MUC17: variants seen among roughly 807,000 people sequenced by gnomAD.
MUC17 encodes the protein mucin 17, cell surface associated.
Under a neutral mutation model 170.3 loss-of-function variants are expected in MUC17, and 190 were observed. The observed-to-expected ratio is 1.12, with a 90% confidence interval of 0.99 to 1.26. The LOEUF (loss-of-function observed/expected upper bound fraction) is 1.26. Among genes scored for constraint, MUC17 ranks in the 50% most tolerant of loss-of-function variants. The pLI is 0.00. For missense variants in MUC17, 6,415 were observed against 5,530.0 expected, an observed-to-expected ratio of 1.16 and a Z score of -5.08; for synonymous variants, 2,325 against 2,002.5, an observed-to-expected ratio of 1.16 and a Z score of -4.30.
intron 1 of MUC17, among the ~76,000 whole-genome samples, chr7:101,028,607 G>C (rs1007329912): frequency 6.6e-6 from 1 of 151,938 alleles, no homozygotes; most frequent in African/African-American, 2.4e-5. Flanking sequence ...ACTGGATGCG[G>C]TGGCTCATAC....
At chr7:101,055,094 C>G (rs575223659) in intron 11 of MUC17, among the ~76,000 whole-genome samples, 2 of 151,474 alleles carry the variant, frequency 1.3e-5, no homozygotes, top group East Asian at 3.9e-4. Flanking sequence ...GGCAACAGAG[C>G]AAGATTCCGT....
chr7:101,051,332 T>C (rs1584876797), intron 7 of MUC17, among the ~76,000 whole-genome samples: 2 of 126,458 alleles, frequency 1.6e-5, no homozygotes, highest in East Asian at 4.8e-4. Context: ...ACCACTGTAC[T>C]CTAGCCTGGG....
Position 101,041,677 on chromosome 7 carries a change from A to G in MUC17, c.10261A>G (p.Thr3421Ala), listed in dbSNP as rs774469788. The change falls in exon 3 of 13, where the codon ACA becomes GCA. Residue 3421 changes from threonine to alanine, a missense_variant. Coordinates refer to ENST00000306151, the MANE Select transcript of MUC17 (RefSeq NM_001040105.2). ...VVSSEVNTLS[T>A]TPVDSNTLVT... ...CAGTTCTGAGGTTAACACCCTTTCAACAACTCCTGTGGACTCCAACACTCT... is the reference window on the plus strand; with the variant it reads ...CAGTTCTGAGGTTAACACCCTTTCAGCAACTCCTGTGGACTCCAACACTCT... The G allele has an allele frequency of 6.2e-6, 10 of 1,613,888 alleles. 1 individual carries two copies. In the Admixed American group the frequency reaches 1.5e-4, roughly 24 times the overall value.
chr7:101,022,005 C>G (rs1794098833), intron 1 of MUC17, among the ~76,000 whole-genome samples: 1 of 152,106 alleles, frequency 6.6e-6, no homozygotes, highest in Admixed American at 6.6e-5. Flanking sequence ...TCACAGATGC[C>G]CTCTCATCCC....
In MUC17 at chr7:101,042,672, C is replaced by G. The variant is rs755767526; in HGVS notation, c.11256C>G (p.Ser3752Arg). 3.1e-6 allele frequency: 5 copies of G among 1,613,804 alleles called. No homozygotes were observed. The South Asian group carries it at 5.5e-5, about 18-fold the overall frequency. The change falls in exon 3 of 13, where the codon AGC becomes AGG. Residue 3752 changes from serine to arginine, a missense_variant. Ser to Arg is a moderately radical substitution (Grantham distance 110). Transcript: ENST00000306151. Reference protein sequence around the residue: ...TMSVSMPMEISTLGTTILVST... With the variant: ...TMSVSMPMEIRTLGTTILVST... ...CTGTGTCAATGCCCATGGAAATAAGCACCCTTGGGACCACTATTCTTGTCA... is the reference window on the plus strand; with the variant it reads ...CTGTGTCAATGCCCATGGAAATAAGGACCCTTGGGACCACTATTCTTGTCA...
In MUC17 at chr7:101,056,180, C is replaced by T. The variant is rs767688618; in HGVS notation, c.13364-14C>T. Reference sequence around the variant, plus strand: ...AACCTCCTGTTTCCATGGTGCTTTCCATCCCTCCACAAGATGATGATTCCA... The same window carrying T: ...AACCTCCTGTTTCCATGGTGCTTTCTATCCCTCCACAAGATGATGATTCCA... On this transcript the variant is annotated splice_polypyrimidine_tract_variant and intron_variant, in intron 11 of 12. Coordinates refer to ENST00000306151, the MANE Select transcript of MUC17 (RefSeq NM_001040105.2). 4 of 1,613,490 alleles carry T rather than the reference C, an allele frequency of 2.5e-6. No homozygotes were observed. The East Asian group carries it at 8.9e-5, about 36-fold the overall frequency.
In MUC17 at chr7:101,036,819, G is replaced by C. The variant is rs142682652; in HGVS notation, c.5403G>C (p.Ser1801=). The change falls in exon 3 of 13, where the codon TCG becomes TCC. Residue 1801 remains serine, a synonymous_variant. Transcript: ENST00000306151. The stretch of plus-strand genomic sequence containing the variant: ...CTGAAGGTACCAGCATACCAACCTC[G>C]ACTCTTAGTGAAGGAATGACTCCAT... ...TTAEGTSIPT[S]TLSEGMTPLT... The C allele has an allele frequency of 8.8e-5, 139 of 1,581,456 alleles. 1 individual carries two copies. The South Asian group carries it at 1.5e-3, about 17-fold the overall frequency.
Position 101,041,678 on chromosome 7 carries a change from C to T in MUC17, c.10262C>T (p.Thr3421Ile). 2 of 1,614,044 alleles carry T rather than the reference C, an allele frequency of 1.2e-6. No homozygotes were observed. Among genetic ancestry groups the T allele is most frequent in the Non-Finnish European group, 1.7e-6 (2 of 1,179,984 alleles). ...VVSSEVNTLS[T>I]TPVDSNTLVT... ...AGTTCTGAGGTTAACACCCTTTCAACAACTCCTGTGGACTCCAACACTCTG... is the reference window on the plus strand; with the variant it reads ...AGTTCTGAGGTTAACACCCTTTCAATAACTCCTGTGGACTCCAACACTCTG... Residue 3421 changes from threonine (T) to isoleucine (I), a missense_variant, in exon 3 of 13, where the codon ACA (threonine) becomes ATA (isoleucine). Thr to Ile is a moderately conservative substitution (Grantham distance 89, BLOSUM62 -1). Coordinates refer to ENST00000306151, the MANE Select transcript of MUC17 (RefSeq NM_001040105.2).
At chr7:101,025,136 G>A (rs1794157919) in intron 1 of MUC17, among the ~76,000 whole-genome samples, 1 of 151,108 alleles carries the variant, frequency 6.6e-6, no homozygotes, top group African/African-American at 2.4e-5. Context: ...AGGCTGAGGT[G>A]GGAGGATCGC....
intron 1 of MUC17, among the ~76,000 whole-genome samples, chr7:101,023,495 T>G (rs1161231516): frequency 6.6e-6 from 1 of 152,204 alleles, no homozygotes; most frequent in African/African-American, 2.4e-5. Context: ...CAAGTGATTC[T>G]CCTGCCTCAG....
At chr7:101,053,506 A>G (rs1449285903) in intron 11 of MUC17, 70 bp downstream of exon 11, 10 of 1,235,576 alleles carry the variant, frequency 8.1e-6, no homozygotes, top group East Asian at 2.4e-5. Context: ...GTGGGCTCAC[A>G]TCTGTAATCC....
chr7:101,038,108 C>G lies in MUC17; in HGVS notation c.6692C>G (p.Pro2231Arg). ...PFTSMPVSTMPVVTSEASTLS... is the reference protein window; with the variant it reads ...PFTSMPVSTMRVVTSEASTLS... ...ACAAGTATGCCTGTCAGCACCATGC[C>G]GGTAGTTACTTCTGAGGCTAGCACC... is the stretch of plus-strand genomic sequence containing the variant. Residue 2231 changes from proline to arginine, a missense_variant, in exon 3 of 13, where the codon CCG becomes CGG. By Grantham distance (103) the Pro-to-Arg change is moderately radical. Coordinates refer to ENST00000306151, the MANE Select transcript of MUC17 (RefSeq NM_001040105.2). The G allele has an allele frequency of 7.2e-7, 1 of 1,398,228 alleles. No individual in the cohort carries two copies. The allele number at this position is 1,398,228 out of a possible 1,614,324, so 86.6% of individuals were successfully genotyped here. A position where few individuals can be genotyped will look rare whatever the true frequency, so the allele number is the denominator to read the frequency against.
rs530486985 is a variant in MUC17 at position 101,040,227 on chromosome 7, C to T, written c.8811C>T (p.Thr2937=). ...CATTAACAAGTATACTTGTCAGCACCGTGCCAGTGGCCGGTTCTGAGGCTA... is the reference window on the plus strand; with the variant it reads ...CATTAACAAGTATACTTGTCAGCACTGTGCCAGTGGCCGGTTCTGAGGCTA... ...STPLTSILVS[T]VPVAGSEAST... is the part of the protein sequence containing the mutation. The change falls in exon 3 of 13, where the codon ACC becomes ACT. Residue 2937 remains threonine (T), a synonymous_variant. Transcript: ENST00000306151. 1.1e-5 allele frequency: 17 copies of T among 1,611,918 alleles called. No individual in the cohort carries two copies. In the East Asian group the frequency reaches 1.1e-4, roughly 11 times the overall value.
chr7:101,051,347 A>G (rs1364878550), intron 7 of MUC17, among the ~76,000 whole-genome samples: 1 of 142,078 alleles, frequency 7.0e-6, no homozygotes, highest in Non-Finnish European at 1.5e-5. Context: ...CCTGGGTGAC[A>G]GAGCAATACT....
intron 12 of MUC17, among the ~76,000 whole-genome samples, chr7:101,057,471 G>A (rs1034903218): frequency 1.3e-5 from 2 of 152,144 alleles, no homozygotes; most frequent in African/African-American, 4.8e-5. Context: ...GGCCAGGTGC[G>A]GTGGCTCATG....
rs1031843956 is a variant in MUC17, at chr7:101,036,494, C to G, written c.5078C>G (p.Thr1693Arg). The G allele has an allele frequency of 1.2e-6, 2 of 1,610,792 alleles. No homozygotes were observed. Among genetic ancestry groups the G allele is most frequent in the Admixed American group, 3.3e-5 (2 of 59,794 alleles). Residue 1693 changes from threonine (T) to arginine (R), a missense_variant, in exon 3 of 13, where the codon ACA (threonine) becomes AGA (arginine). By Grantham distance (71) the Thr-to-Arg change is moderately conservative (BLOSUM62 -1). Coordinates refer to ENST00000306151, the MANE Select transcript of MUC17 (RefSeq NM_001040105.2). Reference sequence around the variant, plus strand: ...TATACTGAAGGAAGAACTCCTTTAACAAGTATAACTGTCAGAACAACACCG... The same window carrying G: ...TATACTGAAGGAAGAACTCCTTTAAGAAGTATAACTGTCAGAACAACACCG... ...STYTEGRTPL[T>R]SITVRTTPVA...
chr7:101,046,686 G>A lies in MUC17; in HGVS notation c.12404-1298G>A, dbSNP rs555444037. On this transcript the variant is annotated intron_variant, in intron 3 of 12. Transcript: ENST00000306151. The stretch of plus-strand genomic sequence containing the variant: ...CCAGTTACTTGGGAGGCTAGGGTGG[G>A]AGGATTGCTTAAGCCCAGGAGGTCA... Among the ~76,000 whole-genome samples the A allele has an allele frequency of 2.1e-4, 32 of 152,230 alleles. No individual in the cohort carries two copies. In the South Asian group the frequency reaches 5.4e-3, roughly 26 times the overall value.
rs1476803634 is a variant in MUC17, at chr7:101,042,028, T to C, written c.10612T>C (p.Ser3538Pro). ...GGCCAGTTCTGAGGCTAGCACCCTT[T>C]CAACAACTCCTGTTGACTCCAACAC... ...PVASSEASTL[S>P]TTPVDSNTFV... Residue 3538 changes from serine to proline, a missense_variant, in exon 3 of 13, where the codon TCA (serine) becomes CCA (proline). Physicochemically the swap from Ser to Pro is moderately conservative, Grantham distance 74. Transcript: ENST00000306151. 6.2e-7 allele frequency: 1 copy of C among 1,613,824 alleles called. No homozygotes were observed. The highest frequency in any genetic ancestry group is 8.5e-7 in the Non-Finnish European group (1 of 1,179,984).
Position 101,049,331 on chromosome 7 carries a change from T to C in MUC17, c.12671T>C (p.Ile4224Thr), listed in dbSNP as rs967804509. 5 of 1,614,130 alleles carry C rather than the reference T, an allele frequency of 3.1e-6. No homozygotes were observed. Among genetic ancestry groups the C allele is most frequent in the African/African-American group, 2.7e-5 (2 of 75,052 alleles). The part of the protein sequence containing the change: ...FKQTFTEQMN[I>T]VYSGIPEYVG... ...TGGCCCCTTGCCTTTCAGATGAATA[T>C]TGTGTATTCCGGGATCCCTGAGTAT... Residue 4224 changes from isoleucine (I) to threonine (T), a missense_variant, in exon 6 of 13, where the codon ATT becomes ACT. Physicochemically the swap from Ile to Thr is moderately conservative, Grantham distance 89 (BLOSUM62 -1). Coordinates refer to ENST00000306151, the MANE Select transcript of MUC17 (RefSeq NM_001040105.2).
Sources: allele counts gnomAD v4.1 joint callset (sites outside exome capture counted in the v4.1 genomes callset), GRCh38; gene constraint gnomAD v4.1.1; transcripts MANE v1.5; gene names NCBI Gene and HGNC (gene_info 2026-07-23, HGNC 2026-07-21).